CPS1: variants seen among roughly 807,000 people sequenced by gnomAD.
CPS1 encodes carbamoyl-phosphate synthase 1, also known as carbamoyl-phosphate synthase [ammonia], mitochondrial.
Under a neutral mutation model 174.6 loss-of-function variants are expected in CPS1, and 109 were observed. The observed-to-expected ratio is 0.62, with a 90% CI of 0.53 to 0.73. CPS1 has a LOEUF of 0.73. CPS1 is among the 30% of genes least tolerant of loss of function. The pLI is 0.00. For missense variants in CPS1, 1,689 were observed against 1,821.9 expected (o/e 0.93, Z 1.33); for synonymous variants, 637 against 632.0 (o/e 1.01, Z -0.12).
chr2:210,528,823 T>TC (rs1222117016), intron 1 of CPS1, among the ~76,000 whole-genome samples: 2 of 150,838 alleles, frequency 1.3e-5, no homozygotes, highest in African/African-American at 4.9e-5. Flanking sequence ...ACTTTTTTTT[T>TC]TTTTTTTTTT....
chr2:210,556,806 G>A lies in CPS1; in HGVS notation c.73G>A (p.Ala25Thr). The stretch of plus-strand genomic sequence containing the variant: ...TGGTTTTGGCTTTACCAATGTGACT[G>A]CACACCAAAAATGGAAATTTTCAAG... ...KTGFGFTNVTAHQKWKFSRPG... is the reference protein window; with the variant it reads ...KTGFGFTNVTTHQKWKFSRPG... Residue 25 changes from alanine (A) to threonine (T), a missense_variant, in exon 1 of 38, where the codon GCA (alanine) becomes ACA (threonine). Physicochemically the swap from Ala to Thr is moderately conservative, Grantham distance 58 (BLOSUM62 0). Coordinates refer to ENST00000233072, the MANE Select transcript of CPS1 (RefSeq NM_001875.5). 1.2e-6 allele frequency: 2 copies of A among 1,613,136 alleles called. No individual in the cohort carries two copies. Among genetic ancestry groups the A allele is most frequent in the Non-Finnish European group, 8.5e-7 (1 of 1,179,400 alleles).
At chr2:210,543,744 G>T (rs1422110963) in intron 1 of CPS1, among the ~76,000 whole-genome samples, 1 of 152,002 alleles carries the variant, frequency 6.6e-6, no homozygotes, top group African/African-American at 2.4e-5. Context: ...GTATCATGAG[G>T]TTTGGGACCA....
At chr2:210,669,366 C>T (rs1669226137) in intron 34 of CPS1, among the ~76,000 whole-genome samples, 1 of 152,028 alleles carries the variant, frequency 6.6e-6, no homozygotes, top group African/African-American at 2.4e-5. Context: ...TTCTTGGGTC[C>T]TATGAAAAAC....
At chr2:210,529,160 A>G (rs760539260) in intron 1 of CPS1, among the ~76,000 whole-genome samples, 1 of 151,896 alleles carries the variant, frequency 6.6e-6, no homozygotes, top group Non-Finnish European at 1.5e-5. Context: ...CTAATTTTGT[A>G]TGTATTTCAC....
chr2:210,481,383 G>A (rs1694565140), intron 1 of CPS1, among the ~76,000 whole-genome samples: 1 of 152,182 alleles, frequency 6.6e-6, no homozygotes, highest in African/African-American at 2.4e-5. Context: ...ATAATGATGG[G>A]AAGGATGGAA....
At chr2:210,634,123 TAAC>T (rs1031777775) in intron 21 of CPS1, among the ~76,000 whole-genome samples, 23 of 151,922 alleles carry the variant, frequency 1.5e-4, no homozygotes, top group African/African-American at 4.4e-4. Flanking sequence ...CTAAAACAAA[TAAC>T]AACAATAACA....
At chr2:210,608,157 C>CCA (rs1698986301) in intron 18 of CPS1, among the ~76,000 whole-genome samples, 1 of 151,810 alleles carries the variant, frequency 6.6e-6, no homozygotes, top group African/African-American at 2.4e-5. Flanking sequence ...GTAAATTCTC[C>CCA]TGTGACCTGT....
chr2:210,629,605 G>A (rs1322028377), intron 21 of CPS1, among the ~76,000 whole-genome samples: 1 of 151,432 alleles, frequency 6.6e-6, no homozygotes, highest in African/African-American at 2.4e-5. Flanking sequence ...GTGAGCCACC[G>A]CGCCCAGCCA....
At chr2:210,496,858 T>A (rs1450354698) in intron 1 of CPS1, among the ~76,000 whole-genome samples, 2 of 152,226 alleles carry the variant, frequency 1.3e-5, no homozygotes, top group Non-Finnish European at 2.9e-5. Context: ...AAACTTCTTA[T>A]ACTTTTTCTT....
In CPS1 at chr2:210,590,228, C is replaced by T. The variant is rs755969668; in HGVS notation, c.834C>T (p.Val278=). The T allele has an allele frequency of 6.2e-7, 1 of 1,612,600 alleles. No individual in the cohort carries two copies. The highest frequency in any genetic ancestry group is 8.5e-7 in the Non-Finnish European group (1 of 1,179,004). The change falls in exon 8 of 38, where the codon GTC becomes GTT. Residue 278 remains valine (V), a synonymous_variant. Coordinates refer to ENST00000233072, the MANE Select transcript of CPS1 (RefSeq NM_001875.5). ...TTGCAGAACCACTAATTCAGAATGT[C>T]AGAAAGGTGCAATGAACCTTGAATT... ...PALAEPLIQN[V]RKILESDRKE... is the part of the protein sequence containing the mutation.
intron 21 of CPS1, among the ~76,000 whole-genome samples, chr2:210,632,997 T>G (rs566679398): frequency 6.6e-6 from 1 of 152,268 alleles, no homozygotes; most frequent in Admixed American, 6.5e-5. Flanking sequence ...ACCAAGAAAA[T>G]GTCCTAAGAA....
At chr2:210,542,039 T>C (rs888206685) in intron 1 of CPS1, among the ~76,000 whole-genome samples, 1 of 152,150 alleles carries the variant, frequency 6.6e-6, no homozygotes, top group Non-Finnish European at 1.5e-5. Flanking sequence ...TGATCTCATA[T>C]ACTCAAGTAT....
intron 29 of CPS1, among the ~76,000 whole-genome samples, 176 bp downstream of exon 29, chr2:210,654,278 T>C (rs914447554): frequency 2.0e-5 from 3 of 152,222 alleles, no homozygotes; most frequent in African/African-American, 4.8e-5. Context: ...GTGTCATGGG[T>C]ATCATATTTC....
chr2:210,642,410 TA>T, intron 24 of CPS1, 73 bp from the exon 25 acceptor site: 1 of 1,541,870 alleles, frequency 6.5e-7, no homozygotes, highest in Non-Finnish European at 9.0e-7. Context: ...TGACTGGTGA[TA>T]CATTTCTGCT....
At chr2:210,666,494 A>G (rs1296202350) in intron 33 of CPS1, among the ~76,000 whole-genome samples, 7 of 151,954 alleles carry the variant, frequency 4.6e-5, no homozygotes, top group African/African-American at 9.7e-5. Context: ...ATCTTGAATT[A>G]ATTTTTGTAT....
At chr2:210,487,360 G>A (rs1694759869) in intron 1 of CPS1, among the ~76,000 whole-genome samples, 1 of 152,156 alleles carries the variant, frequency 6.6e-6, no homozygotes, top group Non-Finnish European at 1.5e-5. Context: ...CATCTAGCTA[G>A]TACAAATGAT....
Position 210,606,960 on chromosome 2 carries a change from A to G in CPS1, c.2192+19A>G, listed in dbSNP as rs1317715452. ...CCACTGGGTAAGACCAGAATAATTGACCATGGGTTTGCAGATTCTTTTCAG... is the reference window on the plus strand; with the variant it reads ...CCACTGGGTAAGACCAGAATAATTGGCCATGGGTTTGCAGATTCTTTTCAG... On this transcript the variant is annotated intron_variant, in intron 18 of 37. Coordinates refer to ENST00000233072, the MANE Select transcript of CPS1 (RefSeq NM_001875.5). 3 of 1,602,170 alleles carry G rather than the reference A, an allele frequency of 1.9e-6. No homozygotes were observed. The highest frequency in any genetic ancestry group is 2.7e-5 in the African/African-American group (2 of 74,556).
chr2:210,677,341 A>C (rs971987567), intron 37 of CPS1, among the ~76,000 whole-genome samples: 2 of 152,252 alleles, frequency 1.3e-5, no homozygotes, highest in African/African-American at 4.8e-5. Context: ...AATTGAGATA[A>C]TCAAAGGCCA....
intron 19 of CPS1, 80 bp from the exon 20 acceptor site, chr2:210,612,037 T>C (rs1699143423): frequency 3.2e-6 from 4 of 1,262,826 alleles, no homozygotes; most frequent in Non-Finnish European, 1.1e-6. Context: ...TTATAAAATA[T>C]ATTTTACGTC....
Sources: gnomAD v4.1 joint callset for allele counts (sites outside exome capture counted in the v4.1 genomes callset) on GRCh38, gnomAD v4.1.1 for gene constraint, MANE v1.5 for transcripts, NCBI Gene and HGNC (gene_info 2026-07-23, HGNC 2026-07-21) for gene names.